The following PPP1R3A variants were observed in gnomAD, a reference collection of about 807,000 sequenced individuals.
The protein encoded by PPP1R3A is RG1.
In PPP1R3A, 29 loss-of-function variants were observed where a neutral mutation model predicts 41.7. The observed-to-expected ratio is 0.70, with a 90% CI of 0.52 to 0.95. PPP1R3A has a LOEUF of 0.95. PPP1R3A is among the 40% of genes least tolerant of loss of function. The pLI, the probability that PPP1R3A is intolerant of heterozygous loss-of-function variation, is 0.00. For missense variants in PPP1R3A, 1,352 were observed against 1,292.4 expected, an observed-to-expected ratio of 1.05 and a Z score of -0.71; for synonymous variants, 485 against 453.4, an observed-to-expected ratio of 1.07 and a Z score of -0.89.
chr7:113,879,889 T>C lies in PPP1R3A; in HGVS notation c.1203A>G (p.Thr401=), dbSNP rs754572249. The C allele has an allele frequency of 6.2e-7, 1 of 1,613,546 alleles. No individual in the cohort carries two copies. The highest frequency in any genetic ancestry group is 1.1e-5 in the South Asian group (1 of 91,076). The change falls in exon 4 of 4, where the codon ACA becomes ACG. Residue 401 remains threonine, a synonymous_variant. Coordinates refer to ENST00000284601, the MANE Select transcript of PPP1R3A (RefSeq NM_002711.4). ...AAGTAGTTTCCTCTGAAGGTTGATGTGTACAGTCATCTCCTGAGGAATATT... is the reference window on the plus strand; with the variant it reads ...AAGTAGTTTCCTCTGAAGGTTGATGCGTACAGTCATCTCCTGAGGAATATT... The part of the protein sequence containing the change: ...NEKYSSGDDC[T]HQPSEETTSN...
At chr7:113,897,102 G>C (rs1207901727) in intron 1 of PPP1R3A, among the ~76,000 whole-genome samples, 1 of 151,738 alleles carries the variant, frequency 6.6e-6, no homozygotes, top group Admixed American at 6.6e-5. Context: ...TATTATTCTA[G>C]TGTGATCTAA....
chr7:113,882,107 T>G lies in PPP1R3A; in HGVS notation c.898A>C (p.Ser300Arg). Reference protein sequence around the residue: ...SHEDKEDLEASNRNVKDVNRE... With the variant: ...SHEDKEDLEARNRNVKDVNRE... ...TTTACATCTTTTACATTTCGATTAC[T>G]GGCTTCCAAATCTTCCTTGTCCTCA... Residue 300 changes from serine (S) to arginine (R), a missense_variant, in exon 3 of 4, where the codon AGT (serine) becomes CGT (arginine). By Grantham distance (110) the Ser-to-Arg change is moderately radical. Coordinates refer to ENST00000284601, the MANE Select transcript of PPP1R3A (RefSeq NM_002711.4). 1 of 1,612,048 alleles carries G rather than the reference T, an allele frequency of 6.2e-7. No homozygotes were observed. The highest frequency in any genetic ancestry group is 8.5e-7 in the Non-Finnish European group (1 of 1,178,502).
intron 1 of PPP1R3A, among the ~76,000 whole-genome samples, chr7:113,885,913 A>G (rs1796777319): frequency 6.7e-6 from 1 of 148,796 alleles, no homozygotes; most frequent in Non-Finnish European, 1.5e-5. Flanking sequence ...AGGTATATAT[A>G]GCTATAACTG....
intron 1 of PPP1R3A, among the ~76,000 whole-genome samples, chr7:113,907,433 C>G (rs1371388605): frequency 1.3e-5 from 2 of 151,486 alleles, no homozygotes; most frequent in Non-Finnish European, 3.0e-5. Context: ...CCAGTTTCAT[C>G]AAGAGTTACC....
At chr7:113,900,676 TTA>T (rs1368474440) in intron 1 of PPP1R3A, among the ~76,000 whole-genome samples, 1 of 148,552 alleles carries the variant, frequency 6.7e-6, no homozygotes, top group Non-Finnish European at 1.5e-5. Context: ...ATATAGCACT[TTA>T]TATGTGTATA....
At chr7:113,880,332 AG>A (rs1486963493) in intron 3 of PPP1R3A, among the ~76,000 whole-genome samples, 1 of 151,982 alleles carries the variant, frequency 6.6e-6, no homozygotes, top group Non-Finnish European at 1.5e-5. Flanking sequence ...TTAGTAAGAA[AG>A]GGGGCCCAAA....
intron 1 of PPP1R3A, among the ~76,000 whole-genome samples, chr7:113,887,806 G>A (rs1796811242): frequency 6.6e-6 from 1 of 152,098 alleles, no homozygotes; most frequent in East Asian, 1.9e-4. Flanking sequence ...CGAGGAGGGT[G>A]GATCATGAGG....
intron 1 of PPP1R3A, among the ~76,000 whole-genome samples, chr7:113,912,336 G>A (rs1797265264): frequency 6.6e-6 from 1 of 152,040 alleles, no homozygotes; most frequent in Non-Finnish European, 1.5e-5. Flanking sequence ...AATAGCTCCT[G>A]CCACCCTCGA....
chr7:113,908,325 C>T (rs923828445), intron 1 of PPP1R3A, among the ~76,000 whole-genome samples: 3 of 151,790 alleles, frequency 2.0e-5, no homozygotes, highest in African/African-American at 7.2e-5. Context: ...GTGAAAAGCT[C>T]GTGTGTGCAC....
rs1796858080 is a variant in PPP1R3A, at chr7:113,890,284, C to G, written c.783-7964G>C. Among the ~76,000 whole-genome samples the G allele has an allele frequency of 2.0e-5, 3 of 152,192 alleles. No homozygotes were observed. In the South Asian group the frequency reaches 6.2e-4, roughly 32 times the overall value. The stretch of plus-strand genomic sequence containing the variant: ...CCTGGTACAAATGCTATTCAGGGGC[C>G]AGAAATCGGATCTACTGCATCAGCA... On this transcript the variant is annotated intron_variant, in intron 1 of 3. Transcript: ENST00000284601.
chr7:113,889,195 C>T (rs1309446235), intron 1 of PPP1R3A, among the ~76,000 whole-genome samples: 1 of 152,140 alleles, frequency 6.6e-6, no homozygotes, highest in Non-Finnish European at 1.5e-5. Context: ...GCTGCTCCTC[C>T]TTAGATGATA....
chr7:113,915,092 G>A (rs1486647100), intron 1 of PPP1R3A, among the ~76,000 whole-genome samples: 2 of 151,876 alleles, frequency 1.3e-5, no homozygotes, highest in Admixed American at 6.6e-5. Flanking sequence ...ATATCTTTGG[G>A]TCACTCTCAA....
intron 1 of PPP1R3A, among the ~76,000 whole-genome samples, chr7:113,887,121 A>G (rs1355644856): frequency 6.6e-6 from 1 of 152,058 alleles, no homozygotes; most frequent in Non-Finnish European, 1.5e-5. Context: ...AAAATAATCT[A>G]ATATTTTAAA....
chr7:113,903,346 A>G (rs552459437), intron 1 of PPP1R3A, among the ~76,000 whole-genome samples: 10 of 151,924 alleles, frequency 6.6e-5, no homozygotes, highest in African/African-American at 2.2e-4. Flanking sequence ...TTTATATAAA[A>G]AATGACCTAT....
chr7:113,883,938 T>C (rs180765659), intron 1 of PPP1R3A, among the ~76,000 whole-genome samples: 81 of 152,114 alleles, frequency 5.3e-4, no homozygotes, highest in African/African-American at 1.9e-3. Flanking sequence ...ATAAAATAAG[T>C]ATTCAACTAT....
At chr7:113,906,686 T>C (rs1182016878) in intron 1 of PPP1R3A, among the ~76,000 whole-genome samples, 1 of 151,834 alleles carries the variant, frequency 6.6e-6, no homozygotes, top group Non-Finnish European at 1.5e-5. Context: ...GAAGTCTTTT[T>C]GGATTTTATT....
At position 113,918,413 on chromosome 7, in the gene PPP1R3A, A is replaced by T; in HGVS notation, c.584T>A (p.Val195Asp). Reference protein sequence around the residue: ...TDQFSFKIVLVPPYQKDGSKV... With the variant: ...TDQFSFKIVLDPPYQKDGSKV... ...ACTGCCATCTTTTTGATAAGGAGGA[A>T]CCAATACAATCTTAAAGGAGAACTG... Residue 195 changes from valine to aspartate, a missense_variant, in exon 1 of 4, where the codon GTT becomes GAT. By Grantham distance (152) the Val-to-Asp change is radical (BLOSUM62 -3). Coordinates refer to ENST00000284601, the MANE Select transcript of PPP1R3A (RefSeq NM_002711.4). 6.2e-7 allele frequency: 1 copy of T among 1,613,420 alleles called. No homozygotes were observed. The highest frequency in any genetic ancestry group is 8.5e-7 in the Non-Finnish European group (1 of 1,179,654).
intron 1 of PPP1R3A, among the ~76,000 whole-genome samples, chr7:113,912,463 A>G (rs1296395799): frequency 6.6e-6 from 1 of 152,128 alleles, no homozygotes; most frequent in Non-Finnish European, 1.5e-5. Context: ...TGTAAATTTT[A>G]GGCAAGGTTA....
intron 1 of PPP1R3A, among the ~76,000 whole-genome samples, chr7:113,890,035 G>A (rs1164607446): frequency 6.6e-6 from 1 of 151,008 alleles, no homozygotes; most frequent in Non-Finnish European, 1.5e-5. Flanking sequence ...GAAAAGGAGA[G>A]AAGCAATTCC....
Sources: allele counts gnomAD v4.1 joint callset (sites outside exome capture counted in the v4.1 genomes callset), GRCh38; gene constraint gnomAD v4.1.1; transcripts MANE v1.5; gene names NCBI Gene and HGNC (gene_info 2026-07-23, HGNC 2026-07-21).